The following KANK4 variants were observed in gnomAD, a reference collection of about 807,000 sequenced individuals.
KANK4 encodes the protein KN motif and ankyrin repeat domains 4.
In KANK4, 50 loss-of-function variants were observed where a neutral mutation model predicts 80.8. The observed-to-expected ratio is 0.62, with a 90% CI of 0.49 to 0.78. KANK4 has a LOEUF of 0.78. Among genes scored for constraint, KANK4 ranks in the 30% least tolerant of loss-of-function variants. The probability of loss-of-function intolerance (pLI) is 0.00; values close to 1 mark genes in which losing one functional copy is unlikely to be tolerated. For synonymous variants in KANK4, 465 were observed against 506.9 expected, an observed-to-expected ratio of 0.92 and a Z score of 1.11; for missense variants, 1,196 against 1,240.1, an observed-to-expected ratio of 0.96 and a Z score of 0.53.
intron 1 of KANK4, among the ~76,000 whole-genome samples, chr1:62,300,781 G>A (rs929030047): frequency 2.0e-5 from 3 of 152,180 alleles, no homozygotes; most frequent in African/African-American, 7.2e-5. Flanking sequence ...AGGGGCGTAT[G>A]TCCCCAGATT....
intron 2 of KANK4, among the ~76,000 whole-genome samples, chr1:62,279,196 G>GCACACACA (rs1457451049): frequency 7.7e-5 from 4 of 51,678 alleles, no homozygotes; most frequent in South Asian, 1.7e-3. Context: ...AAGCTAGCGC[G>GCACACACA]CGCACACACA....
intron 2 of KANK4, among the ~76,000 whole-genome samples, chr1:62,276,944 ATGT>A (rs1399179716): frequency 1.3e-5 from 2 of 152,196 alleles, no homozygotes; most frequent in African/African-American, 4.8e-5. Context: ...CTCCACAAAC[ATGT>A]TGTGACTGGT....
At chr1:62,290,800 A>T (rs1481438074) in intron 1 of KANK4, among the ~76,000 whole-genome samples, 4 of 150,828 alleles carry the variant, frequency 2.7e-5, no homozygotes, top group Non-Finnish European at 5.9e-5. Flanking sequence ...GCTGGAGTGC[A>T]GTGGCGCGAT....
intron 1 of KANK4, among the ~76,000 whole-genome samples, chr1:62,283,673 G>A (rs1672500159): frequency 6.6e-6 from 1 of 152,152 alleles, no homozygotes; most frequent in Admixed American, 6.5e-5. Context: ...TGAGCCAAAG[G>A]AGAGCTCTGC....
intron 7 of KANK4, among the ~76,000 whole-genome samples, chr1:62,261,383 C>G (rs141637889): frequency 0.02 from 2,993 of 152,102 alleles, 98 homozygotes; most frequent in African/African-American, 0.068. Context: ...TGGTCTTGAA[C>G]TTCTGACCTC....
chr1:62,241,025 G>T (rs2149112703), intron 9 of KANK4, among the ~76,000 whole-genome samples: 1 of 152,300 alleles, frequency 6.6e-6, no homozygotes, highest in Non-Finnish European at 1.5e-5. Flanking sequence ...CTGCTGTAAA[G>T]GGTTTGATGG....
intron 2 of KANK4, among the ~76,000 whole-genome samples, chr1:62,277,128 G>T (rs1468622212): frequency 6.6e-6 from 1 of 152,202 alleles, no homozygotes; most frequent in Non-Finnish European, 1.5e-5. Context: ...TTTATGATGA[G>T]GCAGGAGAGA....
Position 62,276,783 on chromosome 1 carries a change from T to G in KANK4, c.17-1696A>C, listed in dbSNP as rs12031276. On this transcript the variant is annotated intron_variant, in intron 2 of 9. Transcript: ENST00000371153. Reference sequence around the variant, plus strand: ...CGATAGCAAAACTCCATCTCAAAAATAAGACTATTGTGAGGACTAGTTAAT... The same window carrying G: ...CGATAGCAAAACTCCATCTCAAAAAGAAGACTATTGTGAGGACTAGTTAAT... Among the ~76,000 whole-genome samples the G allele has an allele frequency of 4.1e-3, 597 of 146,242 alleles. 4 individuals are homozygous for G. The highest frequency in any genetic ancestry group is 0.018 in the Middle Eastern group (5 of 284).
At chr1:62,278,400 T>TCTTTCTTTC (rs778724879) in intron 2 of KANK4, among the ~76,000 whole-genome samples, 1 of 44,764 alleles carries the variant, frequency 2.2e-5, no homozygotes, top group Non-Finnish European at 3.7e-5. Context: ...TTTCTTTCTT[T>TCTTTCTTTC]TTTTTTTTTG....
intron 7 of KANK4, among the ~76,000 whole-genome samples, chr1:62,258,173 G>A (rs1009485418): frequency 2.0e-5 from 3 of 152,176 alleles, no homozygotes; most frequent in Non-Finnish European, 2.9e-5. Context: ...TTCCTCACTG[G>A]AAAAGGCAAT....
intron 1 of KANK4, among the ~76,000 whole-genome samples, chr1:62,285,959 G>C (rs1672555597): frequency 6.6e-6 from 1 of 152,232 alleles, no homozygotes; most frequent in East Asian, 1.9e-4. Flanking sequence ...CGGGACACCA[G>C]AGGAGGTGAG....
chr1:62,264,126 T>A (rs563749541), intron 6 of KANK4, among the ~76,000 whole-genome samples: 32 of 152,290 alleles, frequency 2.1e-4, no homozygotes, highest in Non-Finnish European at 2.9e-5. Flanking sequence ...CACAGTTTAA[T>A]CCCTGGCTCG....
At chr1:62,271,625 T>C in intron 3 of KANK4, 36 bp from the exon 4 acceptor site, 6 of 1,452,860 alleles carry the variant, frequency 4.1e-6, no homozygotes, top group Non-Finnish European at 5.8e-6. Context: ...AGAATGATCT[T>C]GGGGATGCAT....
At position 62,281,697 on chromosome 1, in the gene KANK4, A is replaced by G; in HGVS notation, c.-70-63T>C. ...TAGCGTTTGAATAAGTATTGGGGAA[A>G]CACAGCACTAAACAAAGTAACATCC... On this transcript the variant is annotated intron_variant, in intron 1 of 9. Transcript: ENST00000371153. 3.9e-6 allele frequency: 4 copies of G among 1,021,402 alleles called. No homozygotes were observed. In the South Asian group the frequency reaches 5.1e-5, roughly 13 times the overall value. 63.3% of individuals were successfully genotyped at this position (1,021,402 alleles called of 1,614,324 possible).
At position 62,273,676 on chromosome 1, in the gene KANK4, C is replaced by A. The variant is rs542933149; in HGVS notation, c.1428G>T (p.Gln476His). 7 of 1,614,152 alleles carry A rather than the reference C, an allele frequency of 4.3e-6. No individual in the cohort carries two copies. The highest frequency in any genetic ancestry group is 5.9e-6 in the Non-Finnish European group (7 of 1,180,002). Residue 476 changes from glutamine (Q) to histidine (H), a missense_variant, in exon 3 of 10, where the codon CAG (glutamine) becomes CAT (histidine). Gln to His is a conservative substitution (Grantham distance 24). Transcript: ENST00000371153. ...QSPAERVLLP[Q>H]LSLPQGPEQV... The stretch of plus-strand genomic sequence containing the variant: ...GCTCGGGTCCCTGTGGCAGTGACAG[C>A]TGGGGCAGAAGCACACGTTCTGCTG...
At chr1:62,271,411 G>C in intron 4 of KANK4, 67 bp downstream of exon 4, 2 of 1,030,992 alleles carry the variant, frequency 1.9e-6, no homozygotes, top group Non-Finnish European at 3.1e-6. Flanking sequence ...TAGGAAAAGA[G>C]AGTGCAAAGG....
intron 9 of KANK4, among the ~76,000 whole-genome samples, chr1:62,239,475 A>T (rs1671287279): frequency 6.6e-6 from 1 of 151,988 alleles, no homozygotes; most frequent in South Asian, 2.1e-4. Flanking sequence ...TGCAAAAAGC[A>T]TTTTCCCATT....
chr1:62,270,675 C>T (rs758343343), intron 4 of KANK4, among the ~76,000 whole-genome samples: 5 of 152,054 alleles, frequency 3.3e-5, no homozygotes, highest in Non-Finnish European at 7.4e-5. Context: ...TGAGCCACAG[C>T]GACTGGCCCC....
rs112433686 is a variant in KANK4 at position 62,256,395 on chromosome 1, T to TC, written c.2540-3187_2540-3186insG. ...ACCCCACAATTTTCCTTTCTTTTTTTTTTTTTCTAGATGGAGTTTCACTCT... is the reference window on the plus strand; with the variant it reads ...ACCCCACAATTTTCCTTTCTTTTTTTCTTTTTTCTAGATGGAGTTTCACTCT... On this transcript the variant is annotated intron_variant, in intron 7 of 9. Transcript: ENST00000371153. Among the ~76,000 whole-genome samples, 3 of 152,272 alleles carry TC rather than the reference T, an allele frequency of 2.0e-5. 1 individual carries two copies. Among genetic ancestry groups the TC allele is most frequent in the African/African-American group, 7.2e-5 (3 of 41,554 alleles).
Sources: allele counts gnomAD v4.1 joint callset (sites outside exome capture counted in the v4.1 genomes callset), GRCh38; gene constraint gnomAD v4.1.1; transcripts MANE v1.5; gene names NCBI Gene and HGNC (gene_info 2026-07-23, HGNC 2026-07-21).